SGSM1: variants seen among roughly 807,000 people sequenced by gnomAD.
The protein encoded by SGSM1 is RUN and TBC1 domain containing 2.
SGSM1 carries 73 observed loss-of-function variants against 133.8 expected under a neutral mutation model. That is an observed-to-expected ratio of 0.55 (90% CI 0.45 to 0.66). The LOEUF (loss-of-function observed/expected upper bound fraction) is 0.66. SGSM1 is among the 30% of genes least tolerant of loss of function. The pLI, the probability that SGSM1 is intolerant of heterozygous loss-of-function variation, is 0.00. For missense variants in SGSM1, 1,213 were observed against 1,448.1 expected (o/e 0.84, Z 2.64); for synonymous variants, 563 against 573.0 (o/e 0.98, Z 0.25).
At chr22:24,842,836 C>A (rs950601187) in intron 2 of SGSM1, among the ~76,000 whole-genome samples, 2 of 152,188 alleles carry the variant, frequency 1.3e-5, no homozygotes, top group African/African-American at 2.4e-5. Flanking sequence ...ACATTTATTG[C>A]GTGCCAGGTT....
intron 10 of SGSM1, 142 bp downstream of exon 10, chr22:24,867,302 T>G (rs751324669): frequency 4.4e-5 from 32 of 725,872 alleles, no homozygotes; most frequent in Non-Finnish European, 7.4e-5. Flanking sequence ...GCAAGCGACC[T>G]CACCGCTCTG....
intron 15 of SGSM1, 107 bp from the exon 16 acceptor site, chr22:24,886,493 C>A: frequency 7.1e-7 from 1 of 1,403,412 alleles, no homozygotes; most frequent in South Asian, 1.4e-5. Context: ...CACTGAAGGT[C>A]AGGAGTTCAA....
intron 2 of SGSM1, among the ~76,000 whole-genome samples, chr22:24,822,777 G>A (rs1027237052): frequency 1.3e-5 from 2 of 152,318 alleles, no homozygotes; most frequent in African/African-American, 2.4e-5. Flanking sequence ...TGCCACTGGG[G>A]TCTCCACTGC....
intron 22 of SGSM1, among the ~76,000 whole-genome samples, chr22:24,914,934 T>C (rs1933768919): frequency 1.3e-5 from 2 of 152,262 alleles, no homozygotes; most frequent in East Asian, 3.9e-4. Flanking sequence ...TTGGCCTTTA[T>C]AAACAGTGCT....
chr22:24,905,316 G>GAAC (rs1933334589), intron 21 of SGSM1, 129 bp downstream of exon 21: 2 of 862,012 alleles, frequency 2.3e-6, no homozygotes, highest in Non-Finnish European at 3.9e-6. Context: ...CCTGTCTGGT[G>GAAC]AACACATCAA....
Position 24,919,742 on chromosome 22 carries a change from C to A in SGSM1, c.3026-84C>A, listed in dbSNP as rs1033670691. ...AAGGCAAAACTTGCCCGGGATTTTCCCACCTTGGGGGGCTTCCCAAGGCAG... is the reference window on the plus strand; with the variant it reads ...AAGGCAAAACTTGCCCGGGATTTTCACACCTTGGGGGGCTTCCCAAGGCAG... On this transcript the variant is annotated intron_variant, in intron 23 of 24. Transcript: ENST00000400358. 2.6e-6 allele frequency: 4 copies of A among 1,545,982 alleles called. No homozygotes were observed. In the African/African-American group the frequency reaches 5.4e-5, roughly 21 times the overall value.
At chr22:24,905,320 ACAT>A in intron 21 of SGSM1, 133 bp downstream of exon 21, 2 of 831,798 alleles carry the variant, frequency 2.4e-6, no homozygotes, top group South Asian at 2.9e-5. Flanking sequence ...TCTGGTGAAC[ACAT>A]CAAGATCCTA....
chr22:24,900,266 G>A lies in SGSM1; in HGVS notation c.2611-1567G>A, dbSNP rs961428365. ...TGAACTGGCCTCAAGTGATCTACCCGCTGTGACCTCCCAGAGTGTTGGAAT... is the reference window on the plus strand; with the variant it reads ...TGAACTGGCCTCAAGTGATCTACCCACTGTGACCTCCCAGAGTGTTGGAAT... On this transcript the variant is annotated intron_variant, in intron 19 of 24. Transcript: ENST00000400358. Among the ~76,000 whole-genome samples, 12 of 152,022 alleles carry A rather than the reference G, an allele frequency of 7.9e-5. No homozygotes were observed. In the East Asian group the frequency reaches 1.4e-3, roughly 17 times the overall value.
At position 24,868,553 on chromosome 22, in the gene SGSM1, G is replaced by C; in HGVS notation, c.1158+14G>C. 1.2e-6 allele frequency: 2 copies of C among 1,613,616 alleles called. No individual in the cohort carries two copies. Among genetic ancestry groups the C allele is most frequent in the Non-Finnish European group, 1.7e-6 (2 of 1,179,816 alleles). ...CAGAGGGGTAAGGTGAGTGATCATC[G>C]GGACCCAGGGAGGCTGGGGTGGAGG... is the stretch of plus-strand genomic sequence containing the variant. On this transcript the variant is annotated intron_variant, in intron 11 of 24. Transcript: ENST00000400358.
intron 2 of SGSM1, among the ~76,000 whole-genome samples, chr22:24,821,631 C>A (rs1928475754): frequency 6.6e-6 from 1 of 152,190 alleles, no homozygotes; most frequent in South Asian, 2.1e-4. Flanking sequence ...CACAGGGGAT[C>A]CCATTGCAAA....
rs540457883 is a variant in SGSM1 at position 24,819,015 on chromosome 22, G to A, written c.63+12531G>A. Among the ~76,000 whole-genome samples the A allele has an allele frequency of 2.0e-3, 306 of 151,902 alleles. 1 individual carries two copies. Among genetic ancestry groups the A allele is most frequent in the African/African-American group, 6.8e-3 (282 of 41,434 alleles). The stretch of plus-strand genomic sequence containing the variant: ...CAAAAAATTAGCTCGGTGTGGCGGT[G>A]TGTGCCTGTAGTCCCAGCTACTCGG... On this transcript the variant is annotated intron_variant, in intron 2 of 24. Coordinates refer to ENST00000400358, the MANE Select transcript of SGSM1 (RefSeq NM_001098497.3).
intron 9 of SGSM1, among the ~76,000 whole-genome samples, chr22:24,864,443 C>T (rs73408961): frequency 0.011 from 1,742 of 152,316 alleles, 28 homozygotes; most frequent in African/African-American, 0.04. Context: ...AACTGAAGAA[C>T]GGATGTAGAC....
chr22:24,888,912 G>A (rs1291734639), intron 16 of SGSM1, among the ~76,000 whole-genome samples: 1 of 139,830 alleles, frequency 7.2e-6, no homozygotes, highest in Non-Finnish European at 1.5e-5. Context: ...TAACACATGT[G>A]TAATTTTAAA....
At chr22:24,895,325 A>G in intron 18 of SGSM1, 34 bp downstream of exon 18, 1 of 1,591,798 alleles carries the variant, frequency 6.3e-7, no homozygotes, top group Non-Finnish European at 8.6e-7. Context: ...CCTCCCACCC[A>G]CTCCTCTCCC....
In SGSM1 at chr22:24,919,992, TG is replaced by T; in HGVS notation, c.3193+1del. 6.3e-7 allele frequency: 1 copy of T among 1,596,242 alleles called. No individual in the cohort carries two copies. Among genetic ancestry groups the T allele is most frequent in the Non-Finnish European group, 8.5e-7 (1 of 1,171,258 alleles). ...TCACAGACATCATCAAATTCTTTAA[TG>T]GTACCCACATGACTGGGGCCTCATG... ...DFTDIIKFFN[E>X]MAERHNTKQV... On this transcript the variant is annotated frameshift_variant and splice_region_variant, in exon 24 of 25. Coordinates refer to ENST00000400358, the MANE Select transcript of SGSM1 (RefSeq NM_001098497.3). LOFTEE classifies it high-confidence loss of function.
Position 24,891,800 on chromosome 22 carries a change from C to T in SGSM1, c.1771-1631C>T, listed in dbSNP as rs572032484. On this transcript the variant is annotated intron_variant, in intron 16 of 24. Coordinates refer to ENST00000400358, the MANE Select transcript of SGSM1 (RefSeq NM_001098497.3). ...CAGTCAGAGAAGACTCCTGGAGGAG[C>T]TGGTTGTTCGTAAATTCTCAGAAGG... Among the ~76,000 whole-genome samples, 490 of 152,184 alleles carry T rather than the reference C, an allele frequency of 3.2e-3. 1 individual carries two copies. The highest frequency in any genetic ancestry group is 0.011 in the African/African-American group (468 of 41,526).
chr22:24,881,103 G>T (rs1381163012), intron 14 of SGSM1, among the ~76,000 whole-genome samples: 1 of 145,802 alleles, frequency 6.9e-6, no homozygotes, highest in East Asian at 2.1e-4. Context: ...TGAGGCAGGA[G>T]AATCGCTTGA....
rs569238830 is a variant in SGSM1 at position 24,850,530 on chromosome 22, C to G, written c.455+98C>G. The G allele has an allele frequency of 7.5e-6, 11 of 1,474,114 alleles. No homozygotes were observed. The South Asian group carries it at 1.3e-4, about 18-fold the overall frequency. 91.3% of individuals were successfully genotyped at this position (1,474,114 alleles called of 1,614,324 possible). A position where few individuals can be genotyped will look rare whatever the true frequency, so the allele number is the denominator to read the frequency against. ...TGGCACAAAGCTGCTTTCTTTTTCC[C>G]CTTGACAGCCACTAAATTTGAAAGT... On this transcript the variant is annotated intron_variant, in intron 5 of 24. Transcript: ENST00000400358.
At chr22:24,842,612 G>C (rs904405480) in intron 2 of SGSM1, among the ~76,000 whole-genome samples, 3 of 152,108 alleles carry the variant, frequency 2.0e-5, no homozygotes, top group African/African-American at 7.2e-5. Flanking sequence ...GGGGATCAGA[G>C]CCTGGCAGGG....
Sources: gnomAD v4.1 joint callset for allele counts (sites outside exome capture counted in the v4.1 genomes callset) on GRCh38, gnomAD v4.1.1 for gene constraint, MANE v1.5 for transcripts, NCBI Gene and HGNC (gene_info 2026-07-23, HGNC 2026-07-21) for gene names.